THNSL2: variants seen among roughly 807,000 people sequenced by gnomAD.
THNSL2 encodes threonine synthase like 2.
Under a neutral mutation model 40.0 loss-of-function variants are expected in THNSL2, and 34 were observed. That is an observed-to-expected ratio of 0.85 (90% CI 0.65 to 1.13). THNSL2 has a LOEUF of 1.13. THNSL2 is among the 50% of genes most tolerant of loss of function. THNSL2 has a pLI of 0.00. For synonymous variants in THNSL2, 241 were observed against 247.5 expected, an observed-to-expected ratio of 0.97 and a Z score of 0.25; for missense variants, 537 against 608.8, an observed-to-expected ratio of 0.88 and a Z score of 1.24.
At chr2:88,171,477 C>G (rs1037565387) in intron 1 of THNSL2, 21 of 376,670 alleles carry the variant, frequency 5.6e-5, no homozygotes, top group African/African-American at 4.4e-4. Flanking sequence ...TTCGCTGTAC[C>G]TTACTGCCTT....
Position 88,178,941 on chromosome 2 carries a change from C to T in THNSL2, c.730C>T (p.Pro244Ser). Residue 244 changes from proline to serine, a missense_variant, in exon 5 of 9, where the codon CCA (proline) becomes TCA (serine). Physicochemically the swap from Pro to Ser is moderately conservative, Grantham distance 74. Transcript: ENST00000674334. Reference sequence around the variant, plus strand: ...CTTCTTTGCTTACTTCCAGTGTACGCCATCCTTGGACACACATCCCCTACC... The same window carrying T: ...CTTCTTTGCTTACTTCCAGTGTACGTCATCCTTGGACACACATCCCCTACC... ...HHFFAYFQCT[P>S]SLDTHPLPLV... 1.2e-6 allele frequency: 2 copies of T among 1,614,228 alleles called. No individual in the cohort carries two copies. The highest frequency in any genetic ancestry group is 1.7e-6 in the Non-Finnish European group (2 of 1,180,052).
intron 5 of THNSL2, among the ~76,000 whole-genome samples, chr2:88,180,141 C>T (rs1677372782): frequency 6.6e-6 from 1 of 152,256 alleles, no homozygotes; most frequent in South Asian, 2.1e-4. Context: ...GTGCGGCCAG[C>T]CGCCCTCTGC....
Position 88,185,378 on chromosome 2 carries a change from G to A in THNSL2, c.1128G>A (p.Gln376=). ...SVSVSDEAIT[Q]TMGRCWDENQ... ...CAGTGTCGGATGAAGCCATCACCCAGACCATGGGCCGCTGCTGGGATGAGA... is the reference window on the plus strand; with the variant it reads ...CAGTGTCGGATGAAGCCATCACCCAAACCATGGGCCGCTGCTGGGATGAGA... The change falls in exon 8 of 9, where the codon CAG becomes CAA. Residue 376 remains glutamine (Q), a synonymous_variant. Coordinates refer to ENST00000674334, the MANE Select transcript of THNSL2 (RefSeq NM_018271.5). 1.9e-6 allele frequency: 3 copies of A among 1,614,042 alleles called. No homozygotes were observed. In the South Asian group the frequency reaches 3.3e-5, roughly 18 times the overall value.
intron 1 of THNSL2, chr2:88,171,598 G>C (rs989951394): frequency 4.6e-6 from 1 of 219,104 alleles, no homozygotes; most frequent in Non-Finnish European, 9.6e-6. Context: ...GGCAGTTTGC[G>C]TTGGCTCTAA....
chr2:88,181,909 C>T (rs1374183242), intron 5 of THNSL2, among the ~76,000 whole-genome samples: 2 of 152,008 alleles, frequency 1.3e-5, no homozygotes, highest in Non-Finnish European at 2.9e-5. Flanking sequence ...ACTTCTTTCC[C>T]GTAGCGTGAT....
intron 7 of THNSL2, 37 bp from the exon 8 acceptor site, chr2:88,185,291 C>A: frequency 6.3e-7 from 1 of 1,586,540 alleles, no homozygotes; most frequent in Non-Finnish European, 8.6e-7. Flanking sequence ...CTACATCCCC[C>A]CCCCACACCT....
At chr2:88,173,104 G>A (rs755015656) in intron 1 of THNSL2, 35 bp from the exon 2 acceptor site, 9 of 1,444,108 alleles carry the variant, frequency 6.2e-6, no homozygotes, top group African/African-American at 1.4e-5. Context: ...TGGGAGCTTG[G>A]AGACCAGGTG....
chr2:88,185,282 T>C, intron 7 of THNSL2, 46 bp from the exon 8 acceptor site: 6 of 1,575,512 alleles, frequency 3.8e-6, no homozygotes, highest in Non-Finnish European at 5.2e-6. Context: ...CATCTTTCCC[T>C]ACATCCCCCC....
chr2:88,177,195 C>T (rs761550546), intron 4 of THNSL2: 8 of 152,202 alleles, frequency 5.3e-5, no homozygotes, highest in Non-Finnish European at 1.2e-4. Context: ...GAAACTAAGA[C>T]AGCAGACTTC....
At chr2:88,179,461 T>C (rs1400388662) in intron 5 of THNSL2, among the ~76,000 whole-genome samples, 1 of 152,184 alleles carries the variant, frequency 6.6e-6, no homozygotes, top group East Asian at 1.9e-4. Context: ...GTGGAAAGAG[T>C]TCTGGACTTG....
intron 1 of THNSL2, chr2:88,172,022 C>T (rs532335683): frequency 6.6e-6 from 1 of 152,310 alleles, no homozygotes; most frequent in East Asian, 1.9e-4. Context: ...GCTCATATGC[C>T]TCATGTAGGT....
At chr2:88,182,092 T>G (rs1156869258) in intron 5 of THNSL2, among the ~76,000 whole-genome samples, 1 of 152,214 alleles carries the variant, frequency 6.6e-6, no homozygotes, top group African/African-American at 2.4e-5. Flanking sequence ...AGTTTTCATG[T>G]GAACATATAT....
chr2:88,171,123 C>T, intron 1 of THNSL2: 1 of 381,210 alleles, frequency 2.6e-6, no homozygotes, highest in Admixed American at 2.8e-5. Flanking sequence ...CATAGAGCAG[C>T]CCAACAACAG....
chr2:88,178,500 G>C (rs1677173618), intron 4 of THNSL2, among the ~76,000 whole-genome samples: 1 of 152,330 alleles, frequency 6.6e-6, no homozygotes, highest in African/African-American at 2.4e-5. Context: ...TCTTATTTTA[G>C]ATAATGGTAG....
In THNSL2 at chr2:88,178,833, G is replaced by T; in HGVS notation, c.622G>T (p.Asp208Tyr). ...LDEPIKTVFADVAFVKKHNLM... is the reference protein window; with the variant it reads ...LDEPIKTVFAYVAFVKKHNLM... ...TGAGCCGATCAAGACTGTGTTTGCC[G>T]ATGTGGCTTTTGTCAAGAAGCACAA... Residue 208 changes from aspartate (D) to tyrosine (Y), a missense_variant, in exon 5 of 9, where the codon GAT becomes TAT. By Grantham distance (160) the Asp-to-Tyr change is radical. Coordinates refer to ENST00000674334, the MANE Select transcript of THNSL2 (RefSeq NM_018271.5). 6.2e-7 allele frequency: 1 copy of T among 1,614,162 alleles called. No homozygotes were observed.
chr2:88,185,657 T>G (rs778612195), intron 8 of THNSL2, 178 bp downstream of exon 8: 1 of 1,551,466 alleles, frequency 6.4e-7, no homozygotes. Context: ...GTGACAGATA[T>G]CCCAGGGACA....
chr2:88,185,936 A>G lies in THNSL2; in HGVS notation c.1268A>G (p.Lys423Arg), dbSNP rs577090115. ...RCCLAPASAA[K>R]FPEAVLAAGL... is the part of the protein sequence containing the mutation. ...TGCCTCGCCCCTGCCTCTGCAGCCAAGTTCCCGGAAGCTGTCCTGGCTGCT... is the reference window on the plus strand; with the variant it reads ...TGCCTCGCCCCTGCCTCTGCAGCCAGGTTCCCGGAAGCTGTCCTGGCTGCT... The change falls in exon 9 of 9, where the codon AAG becomes AGG. Residue 423 changes from lysine (K) to arginine (R), a missense_variant. Transcript: ENST00000674334. The G allele has an allele frequency of 6.2e-7, 1 of 1,611,560 alleles. No homozygotes were observed. The highest frequency in any genetic ancestry group is 2.2e-5 in the East Asian group (1 of 44,820).
Position 88,175,353 on chromosome 2 carries a change from G to T in THNSL2, c.523G>T (p.Glu175Ter), listed in dbSNP as rs144678899. The change falls in exon 4 of 9, where the codon GAG (glutamate) becomes TAG (stop). Residue 175 changes from glutamate (E) to a stop codon, truncating the protein, a stop_gained. Coordinates refer to ENST00000674334, the MANE Select transcript of THNSL2 (RefSeq NM_018271.5). LOFTEE classifies it high-confidence loss of function. The stretch of plus-strand genomic sequence containing the variant: ...CAAAGGTCACTGCACAAAGATTCAG[G>T]AGCTCCAGATGACAACGGTGCTGAA... The part of the protein sequence containing the change: ...LPKGHCTKIQ[E>*]LQMTTVLKQN... 7.6e-5 allele frequency: 123 copies of T among 1,614,182 alleles called. No individual in the cohort carries two copies. The African/African-American group carries it at 1.3e-3, about 18-fold the overall frequency.
chr2:88,175,593 G>A (rs1676840361), intron 4 of THNSL2, 192 bp downstream of exon 4: 1 of 633,300 alleles, frequency 1.6e-6, no homozygotes, highest in Admixed American at 3.2e-5. Context: ...AACTATTGGA[G>A]GTGACAGATG....
Sources: gnomAD v4.1 joint callset for allele counts (sites outside exome capture counted in the v4.1 genomes callset) on GRCh38, gnomAD v4.1.1 for gene constraint, MANE v1.5 for transcripts, NCBI Gene and HGNC (gene_info 2026-07-23, HGNC 2026-07-21) for gene names.